The following TRMT9B variants were observed in gnomAD, a reference collection of about 807,000 sequenced individuals.
TRMT9B encodes tRNA methyltransferase 9B (putative), also known as probable tRNA methyltransferase 9B.
A neutral mutation model predicts 11.5 loss-of-function variants in TRMT9B; 16 were observed. That is an observed-to-expected ratio of 1.39 (90% CI 0.94 to 2.11). TRMT9B has a LOEUF of 2.11. TRMT9B is among the 30% of genes most tolerant of loss of function. The pLI is 0.00. For synonymous variants in TRMT9B, 274 were observed against 192.4 expected (o/e 1.42, Z -3.51); for missense variants, 941 against 553.8 (o/e 1.70, Z -7.02).
rs935411304 is a variant in TRMT9B, at chr8:13,023,686, G to A, written c.*1642G>A. ...AGAGTCTTTTTACTTTATGCTGGATGAAAATCCAAATCTTGTTTTATTTTT... is the reference window on the plus strand; with the variant it reads ...AGAGTCTTTTTACTTTATGCTGGATAAAAATCCAAATCTTGTTTTATTTTT... On this transcript the variant is annotated 3_prime_UTR_variant, in exon 5 of 5. Coordinates refer to ENST00000524591, the MANE Select transcript of TRMT9B (RefSeq NM_020844.3). 2 of 167,030 alleles carry A rather than the reference G, an allele frequency of 1.2e-5. No individual in the cohort carries two copies. Among genetic ancestry groups the A allele is most frequent in the Non-Finnish European group, 2.9e-5 (2 of 68,098 alleles). 10.3% of individuals were successfully genotyped at this position (167,030 alleles called of 1,614,324 possible).
intron 1 of TRMT9B, among the ~76,000 whole-genome samples, chr8:12,982,503 A>G (rs1805574989): frequency 6.6e-6 from 1 of 152,142 alleles, no homozygotes; most frequent in Non-Finnish European, 1.5e-5. Context: ...CTCTACTAAA[A>G]ATACAAAAAT....
At chr8:12,987,374 T>C (rs1416265899) in intron 1 of TRMT9B, among the ~76,000 whole-genome samples, 2 of 152,194 alleles carry the variant, frequency 1.3e-5, no homozygotes, top group Non-Finnish European at 2.9e-5. Flanking sequence ...AAACCCATTA[T>C]AAGTTGAAAA....
chr8:13,004,998 G>A (rs1204687032), intron 2 of TRMT9B, among the ~76,000 whole-genome samples: 1 of 151,472 alleles, frequency 6.6e-6, no homozygotes, highest in Non-Finnish European at 1.5e-5. Context: ...ACCTGCCCAC[G>A]GCCTGGGGGA....
At chr8:12,950,599 C>T (rs62488971) in intron 1 of TRMT9B, among the ~76,000 whole-genome samples, 8,389 of 150,564 alleles carry the variant, frequency 0.056, 249 homozygotes, top group African/African-American at 0.076. Context: ...AAGAAAATGT[C>T]AGTCTGATTA....
intron 3 of TRMT9B, 153 bp from the exon 4 acceptor site, chr8:13,012,531 C>A (rs944553689): frequency 2.1e-6 from 2 of 960,780 alleles, no homozygotes; most frequent in Non-Finnish European, 2.9e-6. Flanking sequence ...ACCGAGATTG[C>A]GCCACTGCAC....
intron 1 of TRMT9B, among the ~76,000 whole-genome samples, chr8:12,969,346 C>T (rs898583376): frequency 2.0e-5 from 3 of 152,152 alleles, no homozygotes; most frequent in Non-Finnish European, 4.4e-5. Flanking sequence ...TCCTATGTTT[C>T]TGTATTGTGT....
intron 1 of TRMT9B, among the ~76,000 whole-genome samples, chr8:12,986,434 G>A (rs184126841): frequency 1.1e-4 from 16 of 152,218 alleles, no homozygotes; most frequent in Admixed American, 3.3e-4. Flanking sequence ...AAGTGCTGCC[G>A]TCAATTATGG....
intron 1 of TRMT9B, among the ~76,000 whole-genome samples, chr8:12,953,626 A>G (rs1041773830): frequency 2.6e-5 from 4 of 152,182 alleles, no homozygotes; most frequent in African/African-American, 9.7e-5. Context: ...TCTTTTAGCT[A>G]ACGAATGGTT....
intron 1 of TRMT9B, among the ~76,000 whole-genome samples, chr8:12,953,128 C>T (rs928295323): frequency 6.6e-6 from 1 of 152,206 alleles, no homozygotes; most frequent in Admixed American, 6.5e-5. Context: ...TAAACGTCTA[C>T]TTGCAGAGCT....
chr8:13,019,887 C>T (rs981284196), intron 4 of TRMT9B, among the ~76,000 whole-genome samples: 2 of 152,188 alleles, frequency 1.3e-5, no homozygotes, highest in Non-Finnish European at 2.9e-5. Context: ...ATTTCACCCT[C>T]ACACCTCTGG....
rs1238712811 is a variant in TRMT9B at position 12,957,610 on chromosome 8, G to C, written c.-200+11644G>C. On this transcript the variant is annotated intron_variant, in intron 1 of 4. Coordinates refer to ENST00000524591, the MANE Select transcript of TRMT9B (RefSeq NM_020844.3). ...GCCAGGACACTTTTGAGAGTGAAGAGGGAATGATTACTGATTGCCCTGAAT... is the reference window on the plus strand; with the variant it reads ...GCCAGGACACTTTTGAGAGTGAAGACGGAATGATTACTGATTGCCCTGAAT... 2.0e-5 allele frequency among the ~76,000 whole-genome samples: 3 copies of C among 152,136 alleles called. No individual in the cohort carries two copies. The East Asian group carries it at 5.8e-4, about 29-fold the overall frequency.
At chr8:12,999,424 A>T (rs1808982959) in intron 2 of TRMT9B, among the ~76,000 whole-genome samples, 1 of 152,142 alleles carries the variant, frequency 6.6e-6, no homozygotes, top group Admixed American at 6.6e-5. Flanking sequence ...GGTTTCACAC[A>T]TACATACACG....
chr8:12,994,722 C>T (rs139796530), intron 2 of TRMT9B, among the ~76,000 whole-genome samples: 3,424 of 152,268 alleles, frequency 0.022, 64 homozygotes, highest in Admixed American at 0.036. Context: ...GCTCCTGTTG[C>T]CCCGGCTGGA....
chr8:13,021,351 C>T lies in TRMT9B; in HGVS notation c.672C>T (p.Thr224=). The T allele has an allele frequency of 1.2e-6, 2 of 1,614,042 alleles. No homozygotes were observed. Among genetic ancestry groups the T allele is most frequent in the Admixed American group, 1.7e-5 (1 of 60,026 alleles). ...GCTATGAACCTGCTATGGCAAGAAC[C>T]TGTTTTGCAAATATTTCTAAGGAAG... ...SVGYEPAMAR[T]CFANISKEGE... is the part of the protein sequence containing the mutation. Residue 224 remains threonine (T), a synonymous_variant, in exon 5 of 5, where the codon ACC becomes ACT. Transcript: ENST00000524591.
rs779034813 is a variant in TRMT9B, at chr8:13,021,878, C to T, written c.1199C>T (p.Thr400Ile). The T allele has an allele frequency of 2.5e-6, 4 of 1,613,854 alleles. No homozygotes were observed. The highest frequency in any genetic ancestry group is 3.4e-6 in the Non-Finnish European group (4 of 1,179,880). The stretch of plus-strand genomic sequence containing the variant: ...ACAATGTCTGTCGAAGATCCACAGA[C>T]TGATGTTTTGGACTCCACAGCCTTT... ...DDTMSVEDPQ[T>I]DVLDSTAFMR... Residue 400 changes from threonine (T) to isoleucine (I), a missense_variant, in exon 5 of 5, where the codon ACT (threonine) becomes ATT (isoleucine). Physicochemically the swap from Thr to Ile is moderately conservative, Grantham distance 89. Transcript: ENST00000524591.
intron 3 of TRMT9B, among the ~76,000 whole-genome samples, chr8:13,008,281 G>T (rs1355984407): frequency 6.6e-6 from 1 of 152,118 alleles, no homozygotes; most frequent in Non-Finnish European, 1.5e-5. Flanking sequence ...TTATGTTCAG[G>T]AACACTAGAC....
intron 3 of TRMT9B, chr8:13,012,481 A>C: frequency 1.6e-6 from 1 of 622,248 alleles, no homozygotes; most frequent in Non-Finnish European, 2.3e-6. Flanking sequence ...AGGCTAAGGC[A>C]AGAGAATTGC....
At chr8:12,959,296 C>T (rs992151045) in intron 1 of TRMT9B, among the ~76,000 whole-genome samples, 3 of 152,162 alleles carry the variant, frequency 2.0e-5, no homozygotes, top group African/African-American at 7.2e-5. Flanking sequence ...CCACACCTGA[C>T]TTCACTTGAC....
intron 1 of TRMT9B, among the ~76,000 whole-genome samples, chr8:12,976,536 T>C (rs1188724280): frequency 6.6e-6 from 1 of 151,818 alleles, no homozygotes; most frequent in African/African-American, 2.4e-5. Context: ...GGTCAGGAGT[T>C]TGAGACCAGC....
Sources: gnomAD v4.1 joint callset for allele counts (sites outside exome capture counted in the v4.1 genomes callset) on GRCh38, gnomAD v4.1.1 for gene constraint, MANE v1.5 for transcripts, NCBI Gene and HGNC (gene_info 2026-07-23, HGNC 2026-07-21) for gene names.